FAM184B: variants seen among roughly 807,000 people sequenced by gnomAD.
FAM184B encodes family with sequence similarity 184 member B.
In FAM184B, 111 loss-of-function variants were observed where a neutral mutation model predicts 135.9. The observed-to-expected ratio is 0.82, with a 90% CI of 0.70 to 0.96. The LOEUF (loss-of-function observed/expected upper bound fraction) is 0.96. Among genes scored for constraint, FAM184B ranks in the 40% least tolerant of loss-of-function variants. The pLI is 0.00. For missense variants in FAM184B, 1,375 were observed against 1,323.9 expected (o/e 1.04, Z -0.60); for synonymous variants, 552 against 524.8 (o/e 1.05, Z -0.71).
At chr4:17,638,548 A>G (rs1269558385) in intron 14 of FAM184B, among the ~76,000 whole-genome samples, 10 of 152,140 alleles carry the variant, frequency 6.6e-5, no homozygotes, top group African/African-American at 2.2e-4. Context: ...TTGTGAGCCT[A>G]TGAGAGCATT....
chr4:17,733,508 C>G (rs1209694980), intron 1 of FAM184B, among the ~76,000 whole-genome samples: 2 of 152,124 alleles, frequency 1.3e-5, no homozygotes, highest in Non-Finnish European at 2.9e-5. Context: ...AATCAATGTA[C>G]AAAAATCACA....
chr4:17,766,879 C>G (rs1052796918), intron 1 of FAM184B, among the ~76,000 whole-genome samples: 2 of 152,206 alleles, frequency 1.3e-5, no homozygotes, highest in African/African-American at 4.8e-5. Flanking sequence ...ATTGGGGAGG[C>G]TCCGGCCGCA....
At chr4:17,642,816 C>T (rs148708716) in intron 12 of FAM184B, among the ~76,000 whole-genome samples, 2 of 152,326 alleles carry the variant, frequency 1.3e-5, no homozygotes, top group East Asian at 3.9e-4. Flanking sequence ...CAGAATTGTG[C>T]TAGAATGTCT....
chr4:17,748,103 G>GAAAAAAAAAAAAAAAAAAAA (rs58795222), intron 1 of FAM184B, among the ~76,000 whole-genome samples: 1 of 70,324 alleles, frequency 1.4e-5, no homozygotes, highest in African/African-American at 6.0e-5. Context: ...GACTCCGTCT[G>GAAAAAAAAAAAAAAAAAAAA]AAAAAAAAAA....
intron 7 of FAM184B, among the ~76,000 whole-genome samples, chr4:17,679,653 ACC>A (rs571780635): frequency 8.5e-4 from 129 of 152,172 alleles, no homozygotes; most frequent in Non-Finnish European, 1.5e-3. Context: ...ATATAGAACT[ACC>A]CCCAATCCCA....
chr4:17,759,405 G>A (rs1020157992), intron 1 of FAM184B, among the ~76,000 whole-genome samples: 1 of 152,178 alleles, frequency 6.6e-6, no homozygotes, highest in African/African-American at 2.4e-5. Flanking sequence ...GGCCTTGCCA[G>A]CCATGCTTCC....
chr4:17,761,586 G>T (rs565722895), intron 1 of FAM184B, among the ~76,000 whole-genome samples: 2 of 152,332 alleles, frequency 1.3e-5, no homozygotes, highest in East Asian at 3.9e-4. Context: ...GAGTGCAGTG[G>T]CACGATCTTG....
intron 11 of FAM184B, 88 bp from the exon 12 acceptor site, chr4:17,647,879 G>C: frequency 7.2e-6 from 10 of 1,398,352 alleles, no homozygotes; most frequent in East Asian, 2.5e-5. Context: ...GGTGGGGTTG[G>C]ATGACGTGGG....
chr4:17,733,825 C>G (rs1186314331), intron 1 of FAM184B, among the ~76,000 whole-genome samples: 4 of 152,160 alleles, frequency 2.6e-5, no homozygotes, highest in African/African-American at 9.7e-5. Flanking sequence ...TTGGAGAAAA[C>G]TACTTTAAAG....
rs541616810 is a variant in FAM184B, at chr4:17,736,092, A to G, written c.142-26448T>C. Among the ~76,000 whole-genome samples, 5 of 152,314 alleles carry G rather than the reference A, an allele frequency of 3.3e-5. No individual in the cohort carries two copies. In the East Asian group the frequency reaches 5.8e-4, roughly 18 times the overall value. On this transcript the variant is annotated intron_variant, in intron 1 of 17. Transcript: ENST00000265018. ...GCAGGCACTGAGGCAACATCTTCCTATACCTTCTCTCATGTGATTCTTCCA... is the reference window on the plus strand; with the variant it reads ...GCAGGCACTGAGGCAACATCTTCCTGTACCTTCTCTCATGTGATTCTTCCA...
intron 12 of FAM184B, among the ~76,000 whole-genome samples, chr4:17,643,942 C>T (rs996354413): frequency 3.3e-5 from 5 of 152,206 alleles, no homozygotes; most frequent in African/African-American, 9.7e-5. Flanking sequence ...CAGGACCGGG[C>T]GGTAGATCCT....
chr4:17,667,261 T>TC (rs1716076682), intron 7 of FAM184B, among the ~76,000 whole-genome samples: 1 of 152,006 alleles, frequency 6.6e-6, no homozygotes, highest in East Asian at 1.9e-4. Context: ...CACCCACTCT[T>TC]CCCCCACTTT....
chr4:17,759,350 C>T (rs1019262603), intron 1 of FAM184B, among the ~76,000 whole-genome samples: 7 of 152,208 alleles, frequency 4.6e-5, no homozygotes, highest in Non-Finnish European at 1.0e-4. Context: ...ATGAAAGACA[C>T]ACTGACTTCC....
chr4:17,710,709 T>G (rs1440895373), intron 1 of FAM184B, among the ~76,000 whole-genome samples: 2 of 152,148 alleles, frequency 1.3e-5, no homozygotes, highest in Non-Finnish European at 2.9e-5. Flanking sequence ...TGTGAAGAAC[T>G]GAATGAAGGA....
chr4:17,659,266 C>T (rs1560170008), intron 9 of FAM184B, among the ~76,000 whole-genome samples: 2 of 151,604 alleles, frequency 1.3e-5, no homozygotes, highest in East Asian at 2.0e-4. Context: ...TCACCATGCC[C>T]GGTAATTTTT....
intron 1 of FAM184B, among the ~76,000 whole-genome samples, chr4:17,710,488 T>C (rs950396764): frequency 3.3e-5 from 5 of 152,108 alleles, no homozygotes; most frequent in Non-Finnish European, 7.4e-5. Flanking sequence ...TTTGACAAAA[T>C]TAAACATCTT....
chr4:17,642,259 A>G (rs1207500239), intron 12 of FAM184B, 31 bp from the exon 13 acceptor site: 14 of 1,446,388 alleles, frequency 9.7e-6, no homozygotes, highest in Non-Finnish European at 1.3e-5. Context: ...AGGTGTTTTC[A>G]GGAGGCGCAG....
At chr4:17,675,029 T>C (rs1185601815) in intron 7 of FAM184B, among the ~76,000 whole-genome samples, 1 of 152,250 alleles carries the variant, frequency 6.6e-6, no homozygotes, top group African/African-American at 2.4e-5. Flanking sequence ...TCATGAATAT[T>C]CTTAATGGTT....
intron 1 of FAM184B, among the ~76,000 whole-genome samples, chr4:17,713,215 T>C (rs935000023): frequency 6.6e-6 from 1 of 152,208 alleles, no homozygotes; most frequent in Admixed American, 6.5e-5. Flanking sequence ...CAGAACTCCA[T>C]CTTAAAGAAT....
Sources: allele counts gnomAD v4.1 joint callset (sites outside exome capture counted in the v4.1 genomes callset), GRCh38; gene constraint gnomAD v4.1.1; transcripts MANE v1.5; gene names NCBI Gene and HGNC (gene_info 2026-07-23, HGNC 2026-07-21).